NRXN3: variants seen among roughly 807,000 people sequenced by gnomAD.
The protein encoded by NRXN3 is neurexin 3, also known as neurexin III.
In NRXN3, 32 loss-of-function variants were observed where a neutral mutation model predicts 137.6. The ratio of observed to expected loss-of-function variants is 0.23; its 90% CI spans 0.18 to 0.31. The LOEUF (loss-of-function observed/expected upper bound fraction) is 0.31. Among genes scored for constraint, NRXN3 ranks in the 10% least tolerant of loss-of-function variants. The pLI, the probability that NRXN3 is intolerant of heterozygous loss-of-function variation, is 1.00. For synonymous variants in NRXN3, 798 were observed against 784.5 expected (o/e 1.02, Z -0.29); for missense variants, 1,574 against 2,062.5 (o/e 0.76, Z 4.59).
chr14:79,224,002 C>T (rs78761473), intron 15 of NRXN3, among the ~76,000 whole-genome samples: 4,196 of 151,928 alleles, frequency 0.028, 140 homozygotes, highest in South Asian at 0.086. Flanking sequence ...ATTTTATTCT[C>T]AGGTGGAAAA....
chr14:79,410,781 T>C (rs1014252319), intron 15 of NRXN3, among the ~76,000 whole-genome samples: 3 of 152,140 alleles, frequency 2.0e-5, no homozygotes, highest in African/African-American at 4.8e-5. Flanking sequence ...GACTCATTTA[T>C]CAATCCTTTG....
chr14:78,662,533 G>A (rs978081103), intron 6 of NRXN3, among the ~76,000 whole-genome samples: 10 of 152,082 alleles, frequency 6.6e-5, no homozygotes, highest in Admixed American at 2.0e-4. Flanking sequence ...AACACTCAAG[G>A]CATCCAAGTA....
intron 15 of NRXN3, among the ~76,000 whole-genome samples, chr14:79,361,159 C>T (rs1263381907): frequency 1.3e-5 from 2 of 152,128 alleles, no homozygotes; most frequent in Non-Finnish European, 2.9e-5. Flanking sequence ...GTGGTAACAA[C>T]ATTCTGGGAA....
At chr14:78,246,335 G>C (rs562969367) in intron 2 of NRXN3, among the ~76,000 whole-genome samples, 1 of 152,068 alleles carries the variant, frequency 6.6e-6, no homozygotes, top group African/African-American at 2.4e-5. Context: ...GTGTGCCATT[G>C]GTTTTTTAAT....
intron 2 of NRXN3, among the ~76,000 whole-genome samples, chr14:78,273,201 G>C (rs1407985113): frequency 1.3e-5 from 2 of 152,176 alleles, no homozygotes; most frequent in Admixed American, 1.3e-4. Context: ...ACAGAAAGGG[G>C]AATCCACAGC....
chr14:78,720,607 C>T (rs2098455346), intron 8 of NRXN3, among the ~76,000 whole-genome samples: 1 of 152,130 alleles, frequency 6.6e-6, no homozygotes, highest in Admixed American at 6.5e-5. Flanking sequence ...AAGTCTCATC[C>T]ATTTCTCTTA....
chr14:79,247,083 C>T (rs959499918), intron 15 of NRXN3: 6 of 152,040 alleles, frequency 3.9e-5, no homozygotes, highest in African/African-American at 1.2e-4. Context: ...CCTCTGGGGT[C>T]GTTGGTTTTG....
At chr14:79,279,809 A>C in intron 15 of NRXN3, 1 of 991,670 alleles carries the variant, frequency 1.0e-6, no homozygotes, top group Non-Finnish European at 1.2e-6. Flanking sequence ...GGAAACAGGA[A>C]AATAAAAATG....
intron 15 of NRXN3, chr14:79,280,154 G>T: frequency 6.7e-7 from 1 of 1,498,116 alleles, no homozygotes. Context: ...TGTTTGGAAA[G>T]CGCATATTGC....
intron 15 of NRXN3, among the ~76,000 whole-genome samples, chr14:79,194,368 G>GT (rs1274100703): frequency 6.6e-6 from 1 of 152,202 alleles, no homozygotes; most frequent in East Asian, 1.9e-4. Context: ...ACAGCTGACT[G>GT]TTTGTTTTGG....
chr14:79,847,532 CA>C (rs2141626582), intron 20 of NRXN3, among the ~76,000 whole-genome samples: 1 of 152,170 alleles, frequency 6.6e-6, no homozygotes, highest in African/African-American at 2.4e-5. Flanking sequence ...TTTTCTTATT[CA>C]AAAAGATCAA....
intron 20 of NRXN3, among the ~76,000 whole-genome samples, chr14:79,834,598 AC>A (rs1181378886): frequency 1.3e-5 from 2 of 152,238 alleles, no homozygotes; most frequent in East Asian, 3.9e-4. Flanking sequence ...GTAAACCATA[AC>A]CCTAAACATG....
chr14:79,070,831 C>T (rs545536888), intron 15 of NRXN3, among the ~76,000 whole-genome samples: 6 of 152,082 alleles, frequency 3.9e-5, no homozygotes, highest in African/African-American at 1.2e-4. Context: ...GAAAAAAATA[C>T]GTCCAGATTA....
At chr14:78,961,477 C>T (rs886214351) in intron 11 of NRXN3, among the ~76,000 whole-genome samples, 2 of 151,718 alleles carry the variant, frequency 1.3e-5, no homozygotes, top group Admixed American at 6.6e-5. Flanking sequence ...CATTCTCACA[C>T]AAAAAAAGAG....
chr14:78,851,758 T>A (rs1336469728), intron 10 of NRXN3, among the ~76,000 whole-genome samples: 2 of 152,166 alleles, frequency 1.3e-5, no homozygotes, highest in Non-Finnish European at 2.9e-5. Context: ...GAATTCAGAA[T>A]GATTCTTAGA....
chr14:78,212,705 T>G (rs2062862709), intron 1 of NRXN3, among the ~76,000 whole-genome samples: 1 of 152,252 alleles, frequency 6.6e-6, no homozygotes, highest in African/African-American at 2.4e-5. Context: ...TTGGTGATTT[T>G]AAGAAGATAC....
At chr14:78,888,899 G>A (rs1333498032) in intron 10 of NRXN3, among the ~76,000 whole-genome samples, 5 of 140,328 alleles carry the variant, frequency 3.6e-5, no homozygotes, top group Admixed American at 2.8e-4. Context: ...GAAGAACAAC[G>A]CTGAAGTCGA....
At chr14:78,176,523 C>T (rs1380658152) in intron 1 of NRXN3, among the ~76,000 whole-genome samples, 2 of 151,940 alleles carry the variant, frequency 1.3e-5, no homozygotes, top group Non-Finnish European at 2.9e-5. Flanking sequence ...AGATCTGTCT[C>T]ATGCCAGAGC....
chr14:79,819,133 T>C (rs1399159224), intron 20 of NRXN3, among the ~76,000 whole-genome samples: 1 of 152,210 alleles, frequency 6.6e-6, no homozygotes, highest in African/African-American at 2.4e-5. Flanking sequence ...CAAACTTTTT[T>C]TCTGTAAGGG....
Sources: allele counts gnomAD v4.1 joint callset (sites outside exome capture counted in the v4.1 genomes callset), GRCh38; gene constraint gnomAD v4.1.1; transcripts MANE v1.5; gene names NCBI Gene and HGNC (gene_info 2026-07-23, HGNC 2026-07-21).